The following GABRB2 variants were observed in gnomAD, a reference collection of about 807,000 sequenced individuals.
GABRB2 encodes the protein gamma-aminobutyric acid receptor subunit beta-2.
In GABRB2, 16 loss-of-function variants were observed where a neutral mutation model predicts 54.7. The ratio of observed to expected loss-of-function variants is 0.29; its 90% CI spans 0.20 to 0.44. The LOEUF (loss-of-function observed/expected upper bound fraction) is 0.44. GABRB2 is among the 20% of genes least tolerant of loss of function. The pLI is 1.00. For missense variants in GABRB2, 355 were observed against 644.0 expected, an observed-to-expected ratio of 0.55 and a Z score of 4.86; for synonymous variants, 244 against 233.8, an observed-to-expected ratio of 1.04 and a Z score of -0.40.
At chr5:161,509,188 A>T (rs1345013689) in intron 3 of GABRB2, among the ~76,000 whole-genome samples, 1 of 152,016 alleles carries the variant, frequency 6.6e-6, no homozygotes, top group African/African-American at 2.4e-5. Flanking sequence ...ACCAGTACAG[A>T]ATTATGTACT....
chr5:161,529,254 A>G (rs1340409849), intron 3 of GABRB2, among the ~76,000 whole-genome samples: 1 of 152,022 alleles, frequency 6.6e-6, no homozygotes, highest in Non-Finnish European at 1.5e-5. Context: ...TACTTCTACA[A>G]TAGTACAGAT....
chr5:161,305,586 C>T (rs173767), intron 9 of GABRB2, among the ~76,000 whole-genome samples: 16,590 of 152,214 alleles, frequency 0.11, 1,051 homozygotes, highest in Non-Finnish European at 0.14. Flanking sequence ...ATTGACTCAA[C>T]TCCCAACCTG....
At chr5:161,350,660 A>G (rs766306309) in intron 5 of GABRB2, among the ~76,000 whole-genome samples, 7 of 152,126 alleles carry the variant, frequency 4.6e-5, no homozygotes, top group Non-Finnish European at 7.4e-5. Flanking sequence ...CATTTGAGTC[A>G]GTAGGCTGGG....
At chr5:161,398,241 T>C (rs2113068406) in intron 5 of GABRB2, among the ~76,000 whole-genome samples, 1 of 152,334 alleles carries the variant, frequency 6.6e-6, no homozygotes, top group Non-Finnish European at 1.5e-5. Context: ...TGAGAGGACC[T>C]ATATCTGGAG....
In GABRB2 at chr5:161,508,752, T is replaced by G. The variant is rs564454748; in HGVS notation, c.237+36475A>C. Reference sequence around the variant, plus strand: ...ATAAGAGGATGAATGCATAGCATTTTGCCTGACACCAATTCAAAATAGTGT... The same window carrying G: ...ATAAGAGGATGAATGCATAGCATTTGGCCTGACACCAATTCAAAATAGTGT... On this transcript the variant is annotated intron_variant, in intron 3 of 9. Coordinates refer to ENST00000393959, the MANE Select transcript of GABRB2 (RefSeq NM_001371727.1). Among the ~76,000 whole-genome samples the G allele has an allele frequency of 5.9e-5, 9 of 152,174 alleles. No individual in the cohort carries two copies. The South Asian group carries it at 1.9e-3, about 32-fold the overall frequency.
At chr5:161,394,881 C>G (rs1471656808) in intron 5 of GABRB2, among the ~76,000 whole-genome samples, 1 of 152,022 alleles carries the variant, frequency 6.6e-6, no homozygotes, top group East Asian at 1.9e-4. Context: ...AATATCAGTC[C>G]TAAAAAGGCA....
At chr5:161,512,738 C>T (rs983132638) in intron 3 of GABRB2, among the ~76,000 whole-genome samples, 20 of 151,938 alleles carry the variant, frequency 1.3e-4, no homozygotes, top group East Asian at 9.6e-4. Flanking sequence ...AACTAAAGAG[C>T]GTCTGCACAG....
chr5:161,545,417 C>T, intron 2 of GABRB2, 123 bp from the exon 3 acceptor site: 1 of 363,584 alleles, frequency 2.8e-6, no homozygotes, highest in Non-Finnish European at 4.7e-6. Context: ...TCAAATTTTT[C>T]AATTCTCTGC....
intron 9 of GABRB2, among the ~76,000 whole-genome samples, chr5:161,295,405 A>G (rs1481234939): frequency 2.0e-5 from 3 of 152,224 alleles, no homozygotes; most frequent in Non-Finnish European, 4.4e-5. Context: ...CTTATTTTTA[A>G]GAGGCCTCAA....
intron 4 of GABRB2, among the ~76,000 whole-genome samples, chr5:161,445,641 C>A (rs1757595301): frequency 6.6e-6 from 1 of 152,136 alleles, no homozygotes; most frequent in South Asian, 2.1e-4. Flanking sequence ...GCTTCATCTG[C>A]ATGATAAAAC....
At chr5:161,531,714 A>AT (rs1411894810) in intron 3 of GABRB2, among the ~76,000 whole-genome samples, 3 of 151,668 alleles carry the variant, frequency 2.0e-5, no homozygotes, top group Non-Finnish European at 4.4e-5. Flanking sequence ...TAATCACTAT[A>AT]TTTTTTCTAT....
intron 4 of GABRB2, among the ~76,000 whole-genome samples, chr5:161,412,071 G>A (rs2113117619): frequency 6.6e-6 from 1 of 152,260 alleles, no homozygotes; most frequent in African/African-American, 2.4e-5. Context: ...TATACTATGT[G>A]TTGGGAACAC....
At chr5:161,519,476 G>A (rs1208902552) in intron 3 of GABRB2, among the ~76,000 whole-genome samples, 1 of 152,028 alleles carries the variant, frequency 6.6e-6, no homozygotes, top group East Asian at 1.9e-4. Context: ...CACTAAAGGT[G>A]GCCACATGAT....
At chr5:161,381,115 C>T (rs975456125) in intron 5 of GABRB2, among the ~76,000 whole-genome samples, 4 of 152,112 alleles carry the variant, frequency 2.6e-5, no homozygotes, top group Admixed American at 2.6e-4. Context: ...AAAACATGAG[C>T]TTTGGAATCA....
Position 161,434,915 on chromosome 5 carries a change from T to C in GABRB2, c.459-23858A>G, listed in dbSNP as rs111782570. On this transcript the variant is annotated intron_variant, in intron 4 of 9. Transcript: ENST00000393959. ...CACTATATCCACACTAGTGAAAAGT[T>C]CTCTCCATATTGCGACTCTGGTTTG... 2.0e-5 allele frequency among the ~76,000 whole-genome samples: 3 copies of C among 152,122 alleles called. No homozygotes were observed. The South Asian group carries it at 6.2e-4, about 32-fold the overall frequency.
chr5:161,340,552 A>G (rs752150927), intron 5 of GABRB2, among the ~76,000 whole-genome samples: 2 of 151,980 alleles, frequency 1.3e-5, no homozygotes, highest in Non-Finnish European at 1.5e-5. Context: ...TCTTCACTAT[A>G]TATTTCTCCC....
intron 4 of GABRB2, among the ~76,000 whole-genome samples, chr5:161,433,882 T>C (rs559941578): frequency 1.3e-5 from 2 of 152,286 alleles, no homozygotes; most frequent in African/African-American, 4.8e-5. Flanking sequence ...GAAAATATCA[T>C]TCATCTGTCA....
At chr5:161,490,964 G>T (rs1430570569) in intron 3 of GABRB2, among the ~76,000 whole-genome samples, 1 of 151,578 alleles carries the variant, frequency 6.6e-6, no homozygotes. Flanking sequence ...GTTCTGGGAG[G>T]GTTCTTAATG....
At chr5:161,467,992 A>C (rs1400753177) in intron 3 of GABRB2, among the ~76,000 whole-genome samples, 2 of 152,082 alleles carry the variant, frequency 1.3e-5, no homozygotes, top group Non-Finnish European at 2.9e-5. Context: ...CATGCTTTGG[A>C]ATATTTATAG....
Sources: gnomAD v4.1 joint callset for allele counts (sites outside exome capture counted in the v4.1 genomes callset) on GRCh38, gnomAD v4.1.1 for gene constraint, MANE v1.5 for transcripts, NCBI Gene and HGNC (gene_info 2026-07-23, HGNC 2026-07-21) for gene names.